The following TBC1D4 variants were observed in gnomAD, a reference collection of about 807,000 sequenced individuals.
The protein encoded by TBC1D4 is TBC (Tre-2, BUB2, CDC16) domain-containing protein.
Under a neutral mutation model 142.5 loss-of-function variants are expected in TBC1D4, and 121 were observed. That is an observed-to-expected ratio of 0.85 (90% CI 0.73 to 0.99). TBC1D4 has a LOEUF of 0.99. Among genes scored for constraint, TBC1D4 ranks in the 50% least tolerant of loss-of-function variants. The probability of loss-of-function intolerance (pLI) is 0.00; values close to 1 mark genes in which losing one functional copy is unlikely to be tolerated. For synonymous variants in TBC1D4, 630 were observed against 628.2 expected, an observed-to-expected ratio of 1.00 and a Z score of -0.04; for missense variants, 1,475 against 1,606.6, an observed-to-expected ratio of 0.92 and a Z score of 1.40.
At chr13:75,441,344 G>A (rs1341483228) in intron 1 of TBC1D4, among the ~76,000 whole-genome samples, 3 of 151,986 alleles carry the variant, frequency 2.0e-5, no homozygotes, top group African/African-American at 4.8e-5. Context: ...CATGTAAAAT[G>A]TTTACAATGT....
chr13:75,403,265 T>C (rs1211951469), intron 1 of TBC1D4, among the ~76,000 whole-genome samples: 1 of 152,120 alleles, frequency 6.6e-6, no homozygotes, highest in East Asian at 1.9e-4. Context: ...GTGTGTGGGG[T>C]TTTTGCAGGG....
chr13:75,289,218 G>A, intron 19 of TBC1D4, 108 bp from the exon 20 acceptor site: 2 of 1,367,288 alleles, frequency 1.5e-6, no homozygotes, highest in African/African-American at 2.9e-5. Context: ...TATTAATGAA[G>A]AACATTAAAG....
chr13:75,312,849 G>A lies in TBC1D4; in HGVS notation c.2272C>T (p.Leu758=). 1 of 1,614,126 alleles carries A rather than the reference G, an allele frequency of 6.2e-7. No individual in the cohort carries two copies. Among genetic ancestry groups the A allele is most frequent in the Non-Finnish European group, 8.5e-7 (1 of 1,180,016 alleles). The change falls in exon 13 of 21, where the codon CTA becomes TTA. Residue 758 remains leucine (L), a synonymous_variant. Coordinates refer to ENST00000377636, the MANE Select transcript of TBC1D4 (RefSeq NM_014832.5). ...GTGACAGAGGTTCCTCCCACACTTA[G>A]GGACTCATTGCTGCAGGTAGATGAG... is the stretch of plus-strand genomic sequence containing the variant. ...RTSSTCSNES[L]SVGGTSVTPR...
Position 75,321,250 on chromosome 13 carries a change from T to C in TBC1D4, c.2199-1213A>G, listed in dbSNP as rs182028240. 7.2e-5 allele frequency among the ~76,000 whole-genome samples: 11 copies of C among 152,264 alleles called. No individual in the cohort carries two copies. The East Asian group carries it at 1.7e-3, about 24-fold the overall frequency. On this transcript the variant is annotated intron_variant, in intron 11 of 20. Coordinates refer to ENST00000377636, the MANE Select transcript of TBC1D4 (RefSeq NM_014832.5). ...TATCATAGTAATTATGTGTACATGATATCCTCTCTAAAACAAGTGATAATG... is the reference window on the plus strand; with the variant it reads ...TATCATAGTAATTATGTGTACATGACATCCTCTCTAAAACAAGTGATAATG...
rs1272434077 is a variant in TBC1D4, at chr13:75,366,952, C to T, written c.499-4345G>A. Reference sequence around the variant, plus strand: ...GCCAGCTGGAAACTGGAGGTGGTCACGAAGAGCAATGATTTTGCCAAACTG... The same window carrying T: ...GCCAGCTGGAAACTGGAGGTGGTCATGAAGAGCAATGATTTTGCCAAACTG... On this transcript the variant is annotated intron_variant, in intron 1 of 20. Transcript: ENST00000377636. The T allele has an allele frequency of 1.1e-5, 11 of 985,214 alleles. No homozygotes were observed. In the Admixed American group the frequency reaches 1.8e-4, roughly 17 times the overall value. 61.0% of individuals were successfully genotyped at this position (985,214 alleles called of 1,614,324 possible).
intron 1 of TBC1D4, among the ~76,000 whole-genome samples, chr13:75,435,486 CA>C (rs1321423886): frequency 4.6e-5 from 7 of 151,984 alleles, no homozygotes; most frequent in Non-Finnish European, 1.0e-4. Context: ...TTAATCTTTA[CA>C]AACTTTAAAT....
chr13:75,329,826 G>T (rs1879599578), intron 8 of TBC1D4, among the ~76,000 whole-genome samples: 1 of 152,190 alleles, frequency 6.6e-6, no homozygotes, highest in South Asian at 2.1e-4. Flanking sequence ...AAATATCTTA[G>T]CATTGCTCAA....
intron 1 of TBC1D4, among the ~76,000 whole-genome samples, chr13:75,387,710 T>G (rs912371721): frequency 5.9e-5 from 9 of 152,222 alleles, no homozygotes. Flanking sequence ...AAGATCACTT[T>G]GTTCATTTTC....
intron 1 of TBC1D4, among the ~76,000 whole-genome samples, chr13:75,408,960 T>C (rs1047010158): frequency 6.6e-6 from 1 of 152,160 alleles, no homozygotes; most frequent in Non-Finnish European, 1.5e-5. Flanking sequence ...ATGTTCTGTT[T>C]ACAAGTTCCC....
At chr13:75,358,159 A>C (rs993726303) in intron 3 of TBC1D4, among the ~76,000 whole-genome samples, 1 of 152,272 alleles carries the variant, frequency 6.6e-6, no homozygotes, top group East Asian at 1.9e-4. Flanking sequence ...AGTATTTGGC[A>C]TAAGGCCCAC....
intron 1 of TBC1D4, among the ~76,000 whole-genome samples, chr13:75,391,065 CACACACACAA>C (rs1472140292): frequency 7.7e-6 from 1 of 130,058 alleles, no homozygotes; most frequent in Admixed American, 8.2e-5. Context: ...CACACACACA[CACACACACAA>C]ACAACTTGTA....
chr13:75,371,712 C>A (rs1306119151), intron 1 of TBC1D4, among the ~76,000 whole-genome samples: 2 of 152,098 alleles, frequency 1.3e-5, no homozygotes, highest in East Asian at 3.9e-4. Context: ...AGGTAAAACT[C>A]AGGAATCAGC....
At chr13:75,418,002 G>A (rs1007481124) in intron 1 of TBC1D4, among the ~76,000 whole-genome samples, 2 of 152,172 alleles carry the variant, frequency 1.3e-5, no homozygotes, top group African/African-American at 4.8e-5. Flanking sequence ...ATCCCAGTAT[G>A]TGAAATATAA....
intron 1 of TBC1D4, among the ~76,000 whole-genome samples, chr13:75,380,181 A>T (rs1452295949): frequency 6.6e-6 from 1 of 151,012 alleles, no homozygotes; most frequent in Non-Finnish European, 1.5e-5. Flanking sequence ...GCCTAGCCTC[A>T]TCTGACCCTT....
At chr13:75,295,829 A>G (rs1157425723) in intron 17 of TBC1D4, among the ~76,000 whole-genome samples, 1 of 152,318 alleles carries the variant, frequency 6.6e-6, no homozygotes, top group Non-Finnish European at 1.5e-5. Context: ...GAGATAAGTG[A>G]TGGTTCCCTG....
chr13:75,401,247 T>G (rs375312548), intron 1 of TBC1D4, among the ~76,000 whole-genome samples: 1 of 152,220 alleles, frequency 6.6e-6, no homozygotes, highest in Non-Finnish European at 1.5e-5. Context: ...ATTAGTTCTC[T>G]TACTTCTTTT....
At chr13:75,300,952 T>G (rs1053008124) in intron 16 of TBC1D4, among the ~76,000 whole-genome samples, 1 of 152,180 alleles carries the variant, frequency 6.6e-6, no homozygotes, top group Non-Finnish European at 1.5e-5. Flanking sequence ...TCATTTTCAG[T>G]TTCTCTGTAA....
chr13:75,325,676 T>C (rs552732887), intron 10 of TBC1D4, among the ~76,000 whole-genome samples: 1 of 152,368 alleles, frequency 6.6e-6, no homozygotes, highest in African/African-American at 2.4e-5. Context: ...TATACTCTTC[T>C]TTATACATAT....
rs534849452 is a variant in TBC1D4, at chr13:75,464,705, G to A, written c.498+16565C>T. ...TGGCAAATGCCCTTGATCTTGCATT[G>A]GCACAAACTGAGACACATTTCCTGG... On this transcript the variant is annotated intron_variant, in intron 1 of 20. Transcript: ENST00000377636. Among the ~76,000 whole-genome samples, 7 of 152,284 alleles carry A rather than the reference G, an allele frequency of 4.6e-5. No homozygotes were observed. The South Asian group carries it at 1.0e-3, about 23-fold the overall frequency.
Sources: gnomAD v4.1 joint callset for allele counts (sites outside exome capture counted in the v4.1 genomes callset) on GRCh38, gnomAD v4.1.1 for gene constraint, MANE v1.5 for transcripts, NCBI Gene and HGNC (gene_info 2026-07-23, HGNC 2026-07-21) for gene names.